PCK2: variants seen among roughly 807,000 people sequenced by gnomAD.
PCK2 encodes phosphoenolpyruvate carboxykinase 2, mitochondrial.
A neutral mutation model predicts 65.9 loss-of-function variants in PCK2; 56 were observed. That is an observed-to-expected ratio of 0.85 (90% CI 0.69 to 1.06). The LOEUF is 1.06. PCK2 is among the 50% of genes least tolerant of loss of function. PCK2 has a pLI of 0.00. For synonymous variants in PCK2, 305 were observed against 319.6 expected (o/e 0.95, Z 0.49); for missense variants, 843 against 863.1 (o/e 0.98, Z 0.29).
Position 24,094,366 on chromosome 14 carries a change from G to A in PCK2, c.-40G>A, listed in dbSNP as rs909846153. ...CCGCCTTCCATACCTCCCCGGCTCC[G>A]CTCGGTTCCTGGCCACCCCGCAGCC... On this transcript the variant is annotated 5_prime_UTR_variant, in exon 1 of 10. Transcript: ENST00000216780. This position sits in a 1 kb window ranked among gnomAD's most constrained non-coding sequence, Gnocchi z 4.1. 1.3e-6 allele frequency: 2 copies of A among 1,528,296 alleles called. No homozygotes were observed. Among genetic ancestry groups the A allele is most frequent in the South Asian group, 1.2e-5 (1 of 83,784 alleles). 94.7% of individuals were successfully genotyped at this position (1,528,296 alleles called of 1,614,324 possible). A position where few individuals can be genotyped will look rare whatever the true frequency, so the allele number is the denominator to read the frequency against.
At chr14:24,099,851 C>A in intron 6 of PCK2, 131 bp downstream of exon 6, 1 of 1,542,530 alleles carries the variant, frequency 6.5e-7, no homozygotes, top group Non-Finnish European at 9.0e-7. Flanking sequence ...ATTCCTCTGG[C>A]AGCCCAGCCA....
intron 7 of PCK2, chr14:24,102,531 T>C (rs1440977600): frequency 2.3e-5 from 12 of 522,468 alleles, no homozygotes; most frequent in Non-Finnish European, 3.7e-5. Context: ...CCTCTCCCAC[T>C]CTTTTCTCAC....
At position 24,103,982 on chromosome 14, in the gene PCK2, G is replaced by C. The variant is rs747287203; in HGVS notation, c.*18G>C. ...AAATGTGACCTGAGGCCCTAGTCTAGCAAGAGGACATAGCACCCTCATCTG... is the reference window on the plus strand; with the variant it reads ...AAATGTGACCTGAGGCCCTAGTCTACCAAGAGGACATAGCACCCTCATCTG... On this transcript the variant is annotated 3_prime_UTR_variant, in exon 10 of 10. Coordinates refer to ENST00000216780, the MANE Select transcript of PCK2 (RefSeq NM_004563.4). The C allele has an allele frequency of 1.3e-6, 2 of 1,592,276 alleles. No homozygotes were observed. The highest frequency in any genetic ancestry group is 8.6e-7 in the Non-Finnish European group (1 of 1,160,756).
intron 8 of PCK2, 36 bp downstream of exon 8, chr14:24,102,926 G>A (rs1167097622): frequency 6.2e-7 from 1 of 1,601,308 alleles, no homozygotes; most frequent in African/African-American, 1.3e-5. Context: ...CTTGGCAAAA[G>A]GGCTATCTCT....
chr14:24,096,274 T>G (rs1307095980), intron 1 of PCK2, among the ~76,000 whole-genome samples: 2 of 144,298 alleles, frequency 1.4e-5, no homozygotes, highest in Admixed American at 1.4e-4. Context: ...AGTCTTGCTC[T>G]GTCGCCCAGG....
At chr14:24,101,386 T>C (rs1319650985) in intron 7 of PCK2, among the ~76,000 whole-genome samples, 1 of 152,130 alleles carries the variant, frequency 6.6e-6, no homozygotes, top group Admixed American at 6.6e-5. Context: ...ACTCCCCAGG[T>C]CTGACCAGCA....
In PCK2 at chr14:24,103,826, G is replaced by A. The variant is rs746162974; in HGVS notation, c.1785G>A (p.Leu595=). 5.0e-6 allele frequency: 8 copies of A among 1,614,016 alleles called. No individual in the cohort carries two copies. Among genetic ancestry groups the A allele is most frequent in the Non-Finnish European group, 6.8e-6 (8 of 1,180,026 alleles). Residue 595 remains leucine (L), a synonymous_variant, in exon 10 of 10, where the codon CTG becomes CTA. Transcript: ENST00000216780. ...TCAGAGCTATAGACACCACTCAGCTGTTCTCCCTCCCCAAGGACTTCTGGG... is the reference window on the plus strand; with the variant it reads ...TCAGAGCTATAGACACCACTCAGCTATTCTCCCTCCCCAAGGACTTCTGGG... The part of the protein sequence containing the change: ...SGLRAIDTTQ[L]FSLPKDFWEQ...
chr14:24,100,587 A>G (rs1052349967), intron 7 of PCK2: 1 of 1,086,942 alleles, frequency 9.2e-7, no homozygotes, highest in South Asian at 4.1e-5. Flanking sequence ...TTTTTTAATG[A>G]AAGGAAAAGG....
At chr14:24,099,439 C>T in intron 5 of PCK2, 119 bp from the exon 6 acceptor site, 1 of 1,076,208 alleles carries the variant, frequency 9.3e-7, no homozygotes, top group Non-Finnish European at 1.3e-6. Flanking sequence ...GCAGGGCAAT[C>T]ACTTATATAG....
Position 24,100,056 on chromosome 14 carries a change from C to T in PCK2, c.1077C>T (p.Ala359=), listed in dbSNP as rs775019268. Residue 359 remains alanine, a synonymous_variant, in exon 7 of 10, where the codon GCC becomes GCT. Coordinates refer to ENST00000216780, the MANE Select transcript of PCK2 (RefSeq NM_004563.4). ...TTGGGGTTGCCCCTGGTACCTCTGC[C>T]ACCACCAATCCCAACGCCATGGCTA... ...GFFGVAPGTS[A]TTNPNAMATI... 36 of 1,613,368 alleles carry T rather than the reference C, an allele frequency of 2.2e-5. No individual in the cohort carries two copies. The highest frequency in any genetic ancestry group is 2.8e-5 in the Non-Finnish European group (33 of 1,179,694).
chr14:24,103,837 C>G lies in PCK2; in HGVS notation c.1796C>G (p.Pro599Arg), dbSNP rs995134509. ...GACACCACTCAGCTGTTCTCCCTCCCCAAGGACTTCTGGGAACAGGAGGTT... is the reference window on the plus strand; with the variant it reads ...GACACCACTCAGCTGTTCTCCCTCCGCAAGGACTTCTGGGAACAGGAGGTT... ...AIDTTQLFSL[P>R]KDFWEQEVRD... Residue 599 changes from proline (P) to arginine (R), a missense_variant, in exon 10 of 10, where the codon CCC becomes CGC. Pro to Arg is a moderately radical substitution (Grantham distance 103, BLOSUM62 -2). Transcript: ENST00000216780. 6.2e-7 allele frequency: 1 copy of G among 1,614,014 alleles called. No homozygotes were observed. Among genetic ancestry groups the G allele is most frequent in the Admixed American group, 1.7e-5 (1 of 59,998 alleles).
intron 1 of PCK2, chr14:24,095,053 C>T (rs1333999107): frequency 2.2e-6 from 1 of 448,608 alleles, no homozygotes; most frequent in Non-Finnish European, 4.5e-6. Context: ...TGGCTTCTTC[C>T]TCCGTCCAGG....
chr14:24,094,779 A>C lies in PCK2; in HGVS notation c.29+345A>C. The C allele has an allele frequency of 7.2e-7, 1 of 1,396,576 alleles. No individual in the cohort carries two copies. The allele number at this position is 1,396,576 out of a possible 1,614,324, so 86.5% of individuals were successfully genotyped here. Reference sequence around the variant, plus strand: ...TTTCCTTCCCAGATACCTCCCTCGGACCTCTAACGGGCTCTCAGCCAGCGC... The same window carrying C: ...TTTCCTTCCCAGATACCTCCCTCGGCCCTCTAACGGGCTCTCAGCCAGCGC... On this transcript the variant is annotated intron_variant, in intron 1 of 9. Transcript: ENST00000216780. The surrounding 1 kb of genome is among the most constrained non-coding windows in gnomAD (Gnocchi z 4.1).
chr14:24,096,797 T>C (rs1219048364), intron 1 of PCK2, 95 bp from the exon 2 acceptor site: 2 of 1,073,840 alleles, frequency 1.9e-6, no homozygotes, highest in Non-Finnish European at 2.8e-6. Flanking sequence ...AGACATGTTT[T>C]AGCAGGCTGC....
intron 8 of PCK2, 109 bp downstream of exon 8, chr14:24,102,999 G>C: frequency 1.5e-6 from 2 of 1,335,556 alleles, no homozygotes; most frequent in Non-Finnish European, 1.1e-6. Flanking sequence ...CCTTTCTCCA[G>C]AGTTCTCCCC....
At chr14:24,095,208 G>C (rs1489293628) in intron 1 of PCK2, 10 of 455,972 alleles carry the variant, frequency 2.2e-5, no homozygotes, top group Non-Finnish European at 4.4e-5. Flanking sequence ...GGCAGCCCTT[G>C]TGGGTGGTCT....
Position 24,098,606 on chromosome 14 carries a change from G to A in PCK2, c.592G>A (p.Val198Met). The A allele has an allele frequency of 1.9e-6, 3 of 1,614,098 alleles. No homozygotes were observed. The highest frequency in any genetic ancestry group is 2.5e-6 in the Non-Finnish European group (3 of 1,180,022). The change falls in exon 4 of 10, where the codon GTG becomes ATG. Residue 198 changes from valine to methionine, a missense_variant. Coordinates refer to ENST00000216780, the MANE Select transcript of PCK2 (RefSeq NM_004563.4). ...MRIMTRLGTPVLQALGDGDFV... is the reference protein window; with the variant it reads ...MRIMTRLGTPMLQALGDGDFV... ...TATTATGACCCGACTGGGGACACCT[G>A]TGCTTCAGGCCCTGGGAGATGGTGA...
rs370631813 is a variant in PCK2 at position 24,102,804 on chromosome 14, G to T, written c.1286G>T (p.Arg429Leu). The change falls in exon 8 of 10, where the codon CGC (arginine) becomes CTC (leucine). Residue 429 changes from arginine (R) to leucine (L), a missense_variant. By Grantham distance (102) the Arg-to-Leu change is moderately radical. Coordinates refer to ENST00000216780, the MANE Select transcript of PCK2 (RefSeq NM_004563.4). ...AACTCTCGATTTTGTGCCCCGGCTC[G>T]CCAGTGCCCCATCATGGACCCAGCC... ...HPNSRFCAPA[R>L]QCPIMDPAWE... is the part of the protein sequence containing the mutation. 6.2e-7 allele frequency: 1 copy of T among 1,613,788 alleles called. No homozygotes were observed. The highest frequency in any genetic ancestry group is 8.5e-7 in the Non-Finnish European group (1 of 1,179,718).
At chr14:24,102,012 G>A (rs2037180189) in intron 7 of PCK2, among the ~76,000 whole-genome samples, 1 of 151,948 alleles carries the variant, frequency 6.6e-6, no homozygotes. Flanking sequence ...GATCAGTTAA[G>A]GTCAGGAGTT....
Sources: gnomAD v4.1 joint callset for allele counts (sites outside exome capture counted in the v4.1 genomes callset) on GRCh38, gnomAD v4.1.1 for gene constraint, Gnocchi (gnomAD v3.1) non-coding constraint, MANE v1.5 for transcripts, NCBI Gene and HGNC (gene_info 2026-07-23, HGNC 2026-07-21) for gene names.